KCND2: variants seen among roughly 807,000 people sequenced by gnomAD.
KCND2 encodes potassium voltage-gated channel subfamily D member 2.
KCND2 carries 16 observed loss-of-function variants against 54.4 expected under a neutral mutation model. The ratio of observed to expected loss-of-function variants is 0.29; its 90% CI spans 0.20 to 0.45. The LOEUF (loss-of-function observed/expected upper bound fraction) is 0.45. KCND2 is among the 20% of genes least tolerant of loss of function. The pLI, the probability that KCND2 is intolerant of heterozygous loss-of-function variation, is 1.00. For synonymous variants in KCND2, 317 were observed against 310.7 expected (o/e 1.02, Z -0.21); for missense variants, 486 against 824.2 (o/e 0.59, Z 5.02).
At chr7:120,351,227 T>C (rs897386307) in intron 1 of KCND2, among the ~76,000 whole-genome samples, 4 of 91,056 alleles carry the variant, frequency 4.4e-5, no homozygotes, top group African/African-American at 1.4e-4. Flanking sequence ...ACCATCATAT[T>C]ATATATTTAT....
At chr7:120,687,140 T>G (rs1286140184) in intron 1 of KCND2, among the ~76,000 whole-genome samples, 1 of 152,108 alleles carries the variant, frequency 6.6e-6, no homozygotes, top group Non-Finnish European at 1.5e-5. Flanking sequence ...TTAAGTGAAA[T>G]AAGCCAGACA....
chr7:120,470,470 T>C (rs1802437965), intron 1 of KCND2, among the ~76,000 whole-genome samples: 1 of 152,094 alleles, frequency 6.6e-6, no homozygotes, highest in South Asian at 2.1e-4. Flanking sequence ...AGATTAATGT[T>C]TTATGTCCTA....
rs181727764 is a variant in KCND2, at chr7:120,689,877, G to A, written c.1116-43026G>A. ...CCAGAGCATCCTTCAGCTAAGCCAC[G>A]GGCTTCTCATTCCTCTCTATCAGTA... is the stretch of plus-strand genomic sequence containing the variant. On this transcript the variant is annotated intron_variant, in intron 1 of 5. Coordinates refer to ENST00000331113, the MANE Select transcript of KCND2 (RefSeq NM_012281.3). Among the ~76,000 whole-genome samples, 56 of 152,268 alleles carry A rather than the reference G, an allele frequency of 3.7e-4. 1 individual carries two copies. Among genetic ancestry groups the A allele is most frequent in the Admixed American group, 3.3e-3 (51 of 15,278 alleles).
intron 1 of KCND2, among the ~76,000 whole-genome samples, chr7:120,478,110 T>C (rs115736642): frequency 1.4e-3 from 219 of 152,260 alleles, no homozygotes; most frequent in African/African-American, 4.9e-3. Flanking sequence ...ACATTTGGAG[T>C]AATTTGGAGC....
chr7:120,634,488 G>A (rs547324409), intron 1 of KCND2, among the ~76,000 whole-genome samples: 20 of 152,004 alleles, frequency 1.3e-4, no homozygotes, highest in Non-Finnish European at 1.8e-4. Flanking sequence ...CCATACACTC[G>A]ATACTCAATC....
intron 1 of KCND2, among the ~76,000 whole-genome samples, chr7:120,583,715 A>G (rs1584840329): frequency 2.7e-5 from 4 of 150,844 alleles, no homozygotes. Context: ...TAGCTCCTTC[A>G]AGGTCCTTTG....
At chr7:120,336,699 T>G (rs1563013831) in intron 1 of KCND2, among the ~76,000 whole-genome samples, 1 of 151,922 alleles carries the variant, frequency 6.6e-6, no homozygotes, top group Non-Finnish European at 1.5e-5. Context: ...TTTCTAATGG[T>G]AGAAGCCCAA....
At chr7:120,576,216 A>T (rs1792431835) in intron 1 of KCND2, among the ~76,000 whole-genome samples, 1 of 152,212 alleles carries the variant, frequency 6.6e-6, no homozygotes, top group Admixed American at 6.5e-5. Context: ...ATTTTGTAGT[A>T]GCAAAGATGA....
chr7:120,494,935 T>G (rs2116307179), intron 1 of KCND2, among the ~76,000 whole-genome samples: 1 of 152,314 alleles, frequency 6.6e-6, no homozygotes, highest in African/African-American at 2.4e-5. Context: ...CAGTGTGTTG[T>G]CAATTTTACT....
At chr7:120,434,801 G>T (rs908354930) in intron 1 of KCND2, among the ~76,000 whole-genome samples, 2 of 146,234 alleles carry the variant, frequency 1.4e-5, no homozygotes, top group Non-Finnish European at 3.0e-5. Flanking sequence ...TCACTGCTGT[G>T]TAAAAAGATC....
intron 1 of KCND2, among the ~76,000 whole-genome samples, chr7:120,481,466 A>G (rs1249538908): frequency 6.6e-6 from 1 of 152,186 alleles, no homozygotes; most frequent in African/African-American, 2.4e-5. Context: ...ATTATTGACC[A>G]TTTACTAAAG....
At chr7:120,564,357 C>A (rs554603655) in intron 1 of KCND2, among the ~76,000 whole-genome samples, 1 of 152,058 alleles carries the variant, frequency 6.6e-6, no homozygotes. Context: ...TTTGACAGTC[C>A]ATCAGTCAAA....
At chr7:120,630,121 A>G (rs911105754) in intron 1 of KCND2, among the ~76,000 whole-genome samples, 9 of 152,136 alleles carry the variant, frequency 5.9e-5, no homozygotes, top group African/African-American at 1.9e-4. Flanking sequence ...AGCCTTGGCA[A>G]TTCTCTCACT....
chr7:120,358,886 CT>C (rs1554431020), intron 1 of KCND2, among the ~76,000 whole-genome samples: 2 of 152,258 alleles, frequency 1.3e-5, no homozygotes, highest in African/African-American at 2.4e-5. Context: ...CAAATATTTT[CT>C]TTTTTTACTA....
Position 120,335,468 on chromosome 7 carries a change from C to CTTATTTATTTAT in KCND2, c.1115+59747_1115+59758dup, listed in dbSNP as rs757550470. Among the ~76,000 whole-genome samples the CTTATTTATTTAT allele has an allele frequency of 6.4e-4, 71 of 110,662 alleles. 1 individual carries two copies. Among genetic ancestry groups the CTTATTTATTTAT allele is most frequent in the East Asian group, 3.9e-3 (17 of 4,318 alleles). 72.6% of individuals were successfully genotyped at this position (110,662 alleles called of 152,430 possible). On this transcript the variant is annotated intron_variant, in intron 1 of 5. Coordinates refer to ENST00000331113, the MANE Select transcript of KCND2 (RefSeq NM_012281.3). ...ATTTATTTATTTATTTACTTACTTACTTATTTATTTATTTATTTATTTATT... is the reference window on the plus strand; with the variant it reads ...ATTTATTTATTTATTTACTTACTTACTTATTTATTTATTTATTTATTTATTTATTTATTTATT...
At chr7:120,678,767 T>C (rs1258954149) in intron 1 of KCND2, among the ~76,000 whole-genome samples, 1 of 123,700 alleles carries the variant, frequency 8.1e-6, no homozygotes, top group Non-Finnish European at 1.7e-5. Flanking sequence ...TATATATATA[T>C]ATATATATAT....
chr7:120,557,084 A>G (rs1792175039), intron 1 of KCND2, among the ~76,000 whole-genome samples: 1 of 152,212 alleles, frequency 6.6e-6, no homozygotes, highest in Non-Finnish European at 1.5e-5. Context: ...GCTTACTCTA[A>G]TCAATGAGAA....
intron 1 of KCND2, among the ~76,000 whole-genome samples, chr7:120,537,915 C>G (rs1416385980): frequency 6.6e-6 from 1 of 152,150 alleles, no homozygotes; most frequent in Non-Finnish European, 1.5e-5. Context: ...AGCAGTAAGG[C>G]TGTTTCACTT....
At chr7:120,362,586 T>A (rs903887716) in intron 1 of KCND2, among the ~76,000 whole-genome samples, 12 of 152,094 alleles carry the variant, frequency 7.9e-5, no homozygotes, top group African/African-American at 2.9e-4. Context: ...AGAGGCAGCA[T>A]GCTCTAACAG....
Sources: gnomAD v4.1 joint callset for allele counts (sites outside exome capture counted in the v4.1 genomes callset) on GRCh38, gnomAD v4.1.1 for gene constraint, MANE v1.5 for transcripts, NCBI Gene and HGNC (gene_info 2026-07-23, HGNC 2026-07-21) for gene names.